The following ZNF600 variants were observed in gnomAD, a reference collection of about 807,000 sequenced individuals.
ZNF600 encodes the protein zinc finger protein 600.
ZNF600 carries 4 observed loss-of-function variants against 7.3 expected under a neutral mutation model. The observed-to-expected ratio is 0.55, with a 90% confidence interval of 0.27 to 1.25. The LOEUF is 1.25. Among genes scored for constraint, ZNF600 ranks in the 50% most tolerant of loss-of-function variants. The probability of loss-of-function intolerance (pLI) is 0.12; values close to 1 mark genes in which losing one functional copy is unlikely to be tolerated. For missense variants in ZNF600, 911 were observed against 922.1 expected (o/e 0.99, Z 0.16); for synonymous variants, 290 against 308.9 (o/e 0.94, Z 0.64).
chr19:52,818,134 C>T, the ZNF600 span: 2 of 1,216,086 alleles, frequency 1.6e-6, no homozygotes, highest in Admixed American at 2.6e-5. Context: ...GAAATATGGT[C>T]CCCTATGCTG....
At chr19:52,782,096 G>T (rs1342399240) in intron 1 of ZNF600, among the ~76,000 whole-genome samples, 2 of 151,504 alleles carry the variant, frequency 1.3e-5, no homozygotes, top group African/African-American at 4.9e-5. Flanking sequence ...GGCCTCGTGG[G>T]GCGTGCCTGT....
chr19:52,787,960 C>T (rs1352003431), upstream of ZNF600, among the ~76,000 whole-genome samples: 4 of 152,030 alleles, frequency 2.6e-5, no homozygotes, highest in Admixed American at 2.0e-4. Context: ...CCAGTGCATA[C>T]ATTAATGTAT....
the ZNF600 span, among the ~76,000 whole-genome samples, chr19:52,793,813 CACACAA>C: frequency 8.8e-5 from 10 of 113,024 alleles, no homozygotes; most frequent in African/African-American, 2.8e-4. Context: ...CACACACACA[CACACAA>C]AAGTGATGTA....
the ZNF600 span, among the ~76,000 whole-genome samples, chr19:52,804,983 G>C: frequency 7.9e-5 from 12 of 152,280 alleles, no homozygotes; most frequent in African/African-American, 2.9e-4. Context: ...AAAAACTTGA[G>C]ACAGGCCAGG....
chr19:52,767,486 G>C (rs1338614865), exon 4 of ZNF600: 1 of 1,614,142 alleles, frequency 6.2e-7, no homozygotes, highest in Non-Finnish European at 8.5e-7. Context: ...GTGAATAAAA[G>C]CTTGATCCAA....
chr19:52,828,179 G>A, the ZNF600 span, among the ~76,000 whole-genome samples: 406 of 152,144 alleles, frequency 2.7e-3, 5 homozygotes, highest in Non-Finnish European at 4.1e-3. Flanking sequence ...AGCCTCCTGA[G>A]TAGCTGGGAT....
At chr19:52,827,863 C>T in the ZNF600 span, among the ~76,000 whole-genome samples, 11 of 151,636 alleles carry the variant, frequency 7.3e-5, no homozygotes, top group East Asian at 3.9e-4. Flanking sequence ...GGAATTTAAG[C>T]GAAGATGAGA....
the ZNF600 span, among the ~76,000 whole-genome samples, chr19:52,823,606 G>A: frequency 4.0e-3 from 608 of 152,262 alleles, 8 homozygotes; most frequent in African/African-American, 0.014. Context: ...TTAAATGTCC[G>A]TAGCTTTAAA....
chr19:52,768,608 T>G (rs1464254754), intron 3 of ZNF600, among the ~76,000 whole-genome samples: 1 of 151,990 alleles, frequency 6.6e-6, no homozygotes, highest in Admixed American at 6.6e-5. Context: ...TGCCATGGCA[T>G]GATCTCAGCT....
the ZNF600 span, among the ~76,000 whole-genome samples, chr19:52,826,838 C>T: frequency 6.6e-6 from 1 of 151,932 alleles, no homozygotes; most frequent in African/African-American, 2.4e-5. Flanking sequence ...AGATATTGTG[C>T]CACTGCCATC....
chr19:52,801,675 G>A, the ZNF600 span: 2 of 1,611,376 alleles, frequency 1.2e-6, no homozygotes, highest in African/African-American at 1.3e-5. Context: ...TGAGAAGAAT[G>A]TCTTCATCAT....
chr19:52,801,420 A>G, the ZNF600 span: 22 of 1,614,072 alleles, frequency 1.4e-5, no homozygotes, highest in Admixed American at 1.7e-5. Flanking sequence ...ATGAAAGCTT[A>G]ATCCAAGCTG....
At chr19:52,789,727 G>C (rs1251359321), upstream of ZNF600, among the ~76,000 whole-genome samples, 1 of 151,994 alleles carries the variant, frequency 6.6e-6, no homozygotes, top group East Asian at 1.9e-4. Context: ...ACTCCAGCCT[G>C]GACAACAAAA....
At chr19:52,800,720 C>G in the ZNF600 span, 1 of 1,607,350 alleles carries the variant, frequency 6.2e-7, no homozygotes. Context: ...CAGTATGAAG[C>G]CTACGATGGC....
the ZNF600 span, among the ~76,000 whole-genome samples, chr19:52,795,897 G>A: frequency 2.7e-5 from 4 of 149,628 alleles, no homozygotes; most frequent in East Asian, 2.1e-4. Flanking sequence ...GAAACAAGCC[G>A]GGCTTGGTGG....
At chr19:52,808,089 C>G in the ZNF600 span, 1 of 1,613,482 alleles carries the variant, frequency 6.2e-7, no homozygotes, top group Admixed American at 1.7e-5. Flanking sequence ...ATTTCCACTC[C>G]TCCTGAGAGA....
the ZNF600 span, among the ~76,000 whole-genome samples, chr19:52,828,901 C>T: frequency 6.6e-6 from 1 of 152,186 alleles, no homozygotes; most frequent in African/African-American, 2.4e-5. Context: ...CCCCCTGTCA[C>T]CCAGGCTGGA....
chr19:52,790,067 C>A (rs2062787456), upstream of ZNF600, among the ~76,000 whole-genome samples: 2 of 152,142 alleles, frequency 1.3e-5, no homozygotes, highest in Non-Finnish European at 2.9e-5. Flanking sequence ...CAAGGACCGG[C>A]CATTTACACT....
At chr19:52,764,330 C>G (rs2062551758), downstream of ZNF600, 1 of 151,790 alleles carries the variant, frequency 6.6e-6, no homozygotes, top group Non-Finnish European at 1.5e-5. Flanking sequence ...TGTGCCTCAG[C>G]CTCTCAAGTA....
Sources: allele counts gnomAD v4.1 joint callset (sites outside exome capture counted in the v4.1 genomes callset), GRCh38; gene constraint gnomAD v4.1.1; transcripts MANE v1.5; gene names NCBI Gene and HGNC (gene_info 2026-07-23, HGNC 2026-07-21).